Variants in MYH13 observed in about 807,000 individuals in gnomAD.
MYH13 encodes myosin heavy chain 13.
In MYH13, 177 loss-of-function variants were observed where a neutral mutation model predicts 232.1. The ratio of observed to expected loss-of-function variants is 0.76; its 90% CI spans 0.67 to 0.86. The LOEUF (loss-of-function observed/expected upper bound fraction) is 0.86. MYH13 is among the 40% of genes least tolerant of loss of function. MYH13 has a pLI of 0.00. For missense variants in MYH13, 2,246 were observed against 2,405.9 expected, an observed-to-expected ratio of 0.93 and a Z score of 1.39; for synonymous variants, 884 against 923.5, an observed-to-expected ratio of 0.96 and a Z score of 0.78.
rs984913579 is a variant in MYH13 at position 10,311,023 on chromosome 17, G to C, written c.4656+80C>G. ...GACTCAGGGTCTCCTGGCAGGAAAG[G>C]CCCCATGGGGTGGTGAAGGGCAGCC... On this transcript the variant is annotated intron_variant, in intron 33 of 40. Coordinates refer to ENST00000252172, the MANE Select transcript of MYH13 (RefSeq NM_003802.3). 12 of 1,559,010 alleles carry C rather than the reference G, an allele frequency of 7.7e-6. No homozygotes were observed. The African/African-American group carries it at 1.4e-4, about 18-fold the overall frequency.
rs749797884 is a variant in MYH13, at chr17:10,309,248, G to T, written c.5155C>A (p.Leu1719Ile). Residue 1719 changes from leucine (L) to isoleucine (I), a missense_variant, in exon 35 of 41, where the codon CTC becomes ATC. Leu to Ile is a conservative substitution (Grantham distance 5). Transcript: ENST00000252172. Reference protein sequence around the residue: ...ELLDASDRVQLLHSQNTSLIN... With the variant: ...ELLDASDRVQILHSQNTSLIN... Reference sequence around the variant, plus strand: ...GGCCGACGCACCTGGGAGTGCAGGAGCTGCACGCGGTCGCTGGCGTCCAGC... The same window carrying T: ...GGCCGACGCACCTGGGAGTGCAGGATCTGCACGCGGTCGCTGGCGTCCAGC... 6.2e-7 allele frequency: 1 copy of T among 1,613,380 alleles called. No homozygotes were observed. The highest frequency in any genetic ancestry group is 8.5e-7 in the Non-Finnish European group (1 of 1,179,778).
chr17:10,337,850 C>T (rs1388701033), intron 18 of MYH13, among the ~76,000 whole-genome samples: 1 of 152,082 alleles, frequency 6.6e-6, no homozygotes. Flanking sequence ...GTCAGGAGAT[C>T]GAGACCATCC....
chr17:10,359,866 T>A, intron 7 of MYH13, 94 bp downstream of exon 7: 4 of 1,146,576 alleles, frequency 3.5e-6, no homozygotes, highest in Non-Finnish European at 5.2e-6. Context: ...TTGCCGTTTC[T>A]ACTGAGCGCA....
intron 23 of MYH13, among the ~76,000 whole-genome samples, chr17:10,322,769 G>A (rs1037962734): frequency 1.3e-5 from 2 of 151,874 alleles, no homozygotes; most frequent in African/African-American, 2.4e-5. Flanking sequence ...GAGTAGCTGG[G>A]ACTACAGGCG....
chr17:10,351,399 AGTTCCAGCATT>A (rs2071710006), intron 11 of MYH13, among the ~76,000 whole-genome samples: 1 of 152,204 alleles, frequency 6.6e-6, no homozygotes, highest in Middle Eastern at 3.4e-3. Flanking sequence ...GTAATCCAGG[AGTTCCAGCATT>A]GTTCAGACTC....
At chr17:10,339,525 T>A (rs186780793) in intron 18 of MYH13, among the ~76,000 whole-genome samples, 1 of 152,342 alleles carries the variant, frequency 6.6e-6, no homozygotes, top group East Asian at 1.9e-4. Context: ...TTATTGATGC[T>A]ATTTTGATTA....
At chr17:10,349,006 C>G (rs972524172) in intron 12 of MYH13, among the ~76,000 whole-genome samples, 1 of 151,476 alleles carries the variant, frequency 6.6e-6, no homozygotes, top group Admixed American at 6.6e-5. Flanking sequence ...CTTCTCCCTT[C>G]CCTTCCCTTC....
At chr17:10,347,906 A>T (rs983714758) in intron 12 of MYH13, among the ~76,000 whole-genome samples, 1 of 151,494 alleles carries the variant, frequency 6.6e-6, no homozygotes, top group Non-Finnish European at 1.5e-5. Context: ...TTTAGTAGAG[A>T]TGGGGTTTCA....
chr17:10,327,834 G>A, intron 22 of MYH13, 32 bp downstream of exon 22: 1 of 1,598,500 alleles, frequency 6.3e-7, no homozygotes, highest in Non-Finnish European at 8.5e-7. Flanking sequence ...TCCAGAGTCT[G>A]TGTTTTGCGT....
intron 18 of MYH13, among the ~76,000 whole-genome samples, 184 bp downstream of exon 18, chr17:10,339,966 T>A (rs1354867257): frequency 2.0e-5 from 3 of 152,210 alleles, no homozygotes; most frequent in Non-Finnish European, 4.4e-5. Context: ...CAAACATTTA[T>A]CATTTCTTTG....
chr17:10,303,588 A>G (rs1906180622), intron 37 of MYH13, 90 bp from the exon 38 acceptor site: 1 of 1,084,354 alleles, frequency 9.2e-7, no homozygotes, highest in African/African-American at 1.6e-5. Flanking sequence ...GAGTGAACTC[A>G]AGATCCCCTA....
intron 22 of MYH13, among the ~76,000 whole-genome samples, chr17:10,326,751 A>T (rs1189842980): frequency 6.6e-6 from 1 of 151,100 alleles, no homozygotes; most frequent in Non-Finnish European, 1.5e-5. Flanking sequence ...TGCTGGGATT[A>T]CAGGTGTGAG....
chr17:10,317,886 G>A (rs1906773928), intron 27 of MYH13: 1 of 152,168 alleles, frequency 6.6e-6, no homozygotes, highest in East Asian at 1.9e-4. Context: ...CGACTTTTTT[G>A]TCTCATTTTA....
At chr17:10,372,314 A>G (rs2071883082) in intron 1 of MYH13, among the ~76,000 whole-genome samples, 1 of 152,182 alleles carries the variant, frequency 6.6e-6, no homozygotes, top group South Asian at 2.1e-4. Flanking sequence ...CAGATGCACC[A>G]GAAAATCTCC....
chr17:10,318,662 C>T, intron 27 of MYH13, 128 bp downstream of exon 27: 1 of 1,249,382 alleles, frequency 8.0e-7, no homozygotes, highest in Non-Finnish European at 1.1e-6. Flanking sequence ...TAGAAACAGG[C>T]AGAAATAGGG....
Position 10,340,420 on chromosome 17 carries a change from G to A in MYH13, c.1895-19C>T, listed in dbSNP as rs144878685. The A allele has an allele frequency of 3.1e-6, 5 of 1,600,366 alleles. No homozygotes were observed. Among genetic ancestry groups the A allele is most frequent in the African/African-American group, 2.7e-5 (2 of 74,772 alleles). ...GAGTCGCCTGGAGACAGACACAGAAGAGCGTGTTAGATGCATCCCAGAGGA... is the reference window on the plus strand; with the variant it reads ...GAGTCGCCTGGAGACAGACACAGAAAAGCGTGTTAGATGCATCCCAGAGGA... On this transcript the variant is annotated intron_variant, in intron 16 of 40. Coordinates refer to ENST00000252172, the MANE Select transcript of MYH13 (RefSeq NM_003802.3).
chr17:10,337,071 C>T (rs375692153), intron 18 of MYH13, among the ~76,000 whole-genome samples: 24 of 152,166 alleles, frequency 1.6e-4, no homozygotes, highest in South Asian at 1.2e-3. Flanking sequence ...TGCACCACCA[C>T]GCCAGGCTAA....
chr17:10,310,116 A>G (rs1330985975), intron 33 of MYH13, among the ~76,000 whole-genome samples: 1 of 140,306 alleles, frequency 7.1e-6, no homozygotes, highest in Non-Finnish European at 1.5e-5. Flanking sequence ...TTTTGGACAG[A>G]GTCTCATTCT....
chr17:10,344,568 A>C (rs1045379872), intron 15 of MYH13, among the ~76,000 whole-genome samples: 1 of 152,040 alleles, frequency 6.6e-6, no homozygotes, highest in Non-Finnish European at 1.5e-5. Flanking sequence ...CTGTAATCCC[A>C]GTACTTTGGG....
Sources: gnomAD v4.1 joint callset for allele counts (sites outside exome capture counted in the v4.1 genomes callset) on GRCh38, gnomAD v4.1.1 for gene constraint, MANE v1.5 for transcripts, NCBI Gene and HGNC (gene_info 2026-07-23, HGNC 2026-07-21) for gene names.